MAGI1: variants seen among roughly 807,000 people sequenced by gnomAD.
The protein encoded by MAGI1 is membrane-associated guanylate kinase, WW and PDZ domain-containing protein 1.
Under a neutral mutation model 139.9 loss-of-function variants are expected in MAGI1, and 58 were observed. That is an observed-to-expected ratio of 0.41 (90% CI 0.34 to 0.52). The LOEUF is 0.52. Among genes scored for constraint, MAGI1 ranks in the 20% least tolerant of loss-of-function variants. MAGI1 has a pLI of 0.12. For synonymous variants in MAGI1, 812 were observed against 737.9 expected (o/e 1.10, Z -1.63); for missense variants, 1,874 against 1,901.6 (o/e 0.99, Z 0.27).
rs1024550391 is a variant in MAGI1, at chr3:65,814,774, T to C, written c.314-192686A>G. Among the ~76,000 whole-genome samples the C allele has an allele frequency of 2.6e-5, 4 of 152,170 alleles. No individual in the cohort carries two copies. In the South Asian group the frequency reaches 6.2e-4, roughly 24 times the overall value. ...GTCATCTTTTTATGTCTCTAAGAAA[T>C]GACAATAATTCAGATTTCAATTCTA... is the stretch of plus-strand genomic sequence containing the variant. On this transcript the variant is annotated intron_variant, in intron 1 of 22. Transcript: ENST00000402939.
At chr3:65,663,842 C>T (rs1302110061) in intron 1 of MAGI1, among the ~76,000 whole-genome samples, 1 of 152,094 alleles carries the variant, frequency 6.6e-6, no homozygotes, top group Non-Finnish European at 1.5e-5. Context: ...GTTGTGATGG[C>T]CAAAAATGTC....
intron 1 of MAGI1, among the ~76,000 whole-genome samples, chr3:65,825,600 G>A (rs2042180405): frequency 6.6e-6 from 1 of 152,136 alleles, no homozygotes; most frequent in South Asian, 2.1e-4. Context: ...TTATGGCACA[G>A]TTATGCAATG....
intron 14 of MAGI1, among the ~76,000 whole-genome samples, chr3:65,385,602 C>A (rs963801384): frequency 5.3e-5 from 8 of 152,144 alleles, no homozygotes; most frequent in African/African-American, 1.9e-4. Context: ...AATGAATACA[C>A]CAACAGAGAA....
intron 3 of MAGI1, among the ~76,000 whole-genome samples, chr3:65,492,828 C>A (rs1269746017): frequency 2.6e-5 from 4 of 152,076 alleles, no homozygotes; most frequent in African/African-American, 9.7e-5. Context: ...CCTGTAATCC[C>A]AGCACTTTGG....
At chr3:65,890,238 G>A (rs1032106353) in intron 1 of MAGI1, among the ~76,000 whole-genome samples, 8 of 152,084 alleles carry the variant, frequency 5.3e-5, no homozygotes, top group East Asian at 1.9e-4. Flanking sequence ...GGTGGCGGGC[G>A]CCTGCAGTCC....
At chr3:65,508,353 G>A (rs761272427) in intron 2 of MAGI1, among the ~76,000 whole-genome samples, 6 of 151,976 alleles carry the variant, frequency 3.9e-5, no homozygotes, top group Non-Finnish European at 7.4e-5. Flanking sequence ...GCAGTGAGCC[G>A]AGATTGCGCC....
Position 65,470,484 on chromosome 3 carries a change from G to C in MAGI1, c.758C>G (p.Ala253Gly), listed in dbSNP as rs772043382. 25 of 1,608,862 alleles carry C rather than the reference G, an allele frequency of 1.6e-5. No individual in the cohort carries two copies. The South Asian group carries it at 2.6e-4, about 17-fold the overall frequency. Residue 253 changes from alanine (A) to glycine (G), a missense_variant and splice_region_variant, in exon 5 of 23, where the codon GCC becomes GGC. Around this residue, in one of 5 missense-constraint regions of MAGI1, gnomAD observed 648 missense variants for 598.1 expected, o/e 1.08. Transcript: ENST00000402939. The part of the protein sequence containing the change: ...DVPEMNSSFT[A>G]DSGEQEEHTL... ...GTGCTCCTCTTGTTCACCAGAATCGGCTGCTTAATCATGTGAAGAGGTGAG... is the reference window on the plus strand; with the variant it reads ...GTGCTCCTCTTGTTCACCAGAATCGCCTGCTTAATCATGTGAAGAGGTGAG...
chr3:65,782,068 G>C (rs1008503594), intron 1 of MAGI1, among the ~76,000 whole-genome samples: 3 of 152,168 alleles, frequency 2.0e-5, no homozygotes, highest in Admixed American at 2.0e-4. Flanking sequence ...CTATCAAAGG[G>C]AAACACTTGT....
At chr3:65,393,545 A>G (rs777615633) in intron 13 of MAGI1, among the ~76,000 whole-genome samples, 2 of 152,282 alleles carry the variant, frequency 1.3e-5, no homozygotes, top group Middle Eastern at 3.4e-3. Context: ...CTATTTTTTT[A>G]CATTTTAGTA....
intron 1 of MAGI1, among the ~76,000 whole-genome samples, chr3:65,891,464 G>C (rs1456023652): frequency 6.6e-6 from 1 of 151,988 alleles, no homozygotes; most frequent in East Asian, 1.9e-4. Flanking sequence ...AACGGGAAGA[G>C]AAGCCTGGGC....
chr3:65,796,050 C>CAAAAAAAAAAAAAAAA (rs35663778), intron 1 of MAGI1, among the ~76,000 whole-genome samples: 3 of 103,038 alleles, frequency 2.9e-5, no homozygotes, highest in East Asian at 2.6e-4. Flanking sequence ...GACTCTGTCT[C>CAAAAAAAAAAAAAAAA]AAAAAAAAAA....
At chr3:65,665,021 C>T (rs2086423811) in intron 1 of MAGI1, among the ~76,000 whole-genome samples, 1 of 152,032 alleles carries the variant, frequency 6.6e-6, no homozygotes, top group South Asian at 2.1e-4. Flanking sequence ...AAAAAGTAAC[C>T]CCACCCAAAA....
chr3:65,474,303 A>T lies in MAGI1; in HGVS notation c.758-3819T>A, dbSNP rs541871979. ...AAACCTTTCATTTAATTTACCAAAG[A>T]TTTAGGAGCACAGCCACCACTTTCT... On this transcript the variant is annotated intron_variant, in intron 4 of 22. Transcript: ENST00000402939. Among the ~76,000 whole-genome samples the T allele has an allele frequency of 1.4e-4, 21 of 152,216 alleles. No individual in the cohort carries two copies. In the East Asian group the frequency reaches 4.1e-3, roughly 30 times the overall value.
Position 65,795,956 on chromosome 3 carries a change from C to T in MAGI1, c.314-173868G>A, listed in dbSNP as rs890004659. Reference sequence around the variant, plus strand: ...ATCCCAGCTACTTAGGAGGCTGAGGCGCAAGAATTGCTTGACCACAGGAGG... The same window carrying T: ...ATCCCAGCTACTTAGGAGGCTGAGGTGCAAGAATTGCTTGACCACAGGAGG... On this transcript the variant is annotated intron_variant, in intron 1 of 22. Transcript: ENST00000402939. Among the ~76,000 whole-genome samples, 14 of 150,002 alleles carry T rather than the reference C, an allele frequency of 9.3e-5. 1 individual carries two copies. In the South Asian group the frequency reaches 2.3e-3, roughly 25 times the overall value.
At chr3:65,934,772 T>G (rs943891330) in intron 1 of MAGI1, among the ~76,000 whole-genome samples, 15 of 152,158 alleles carry the variant, frequency 9.9e-5, no homozygotes, top group South Asian at 2.1e-4. Flanking sequence ...GTTGTTGTTT[T>G]TTTTTTTTTT....
intron 1 of MAGI1, among the ~76,000 whole-genome samples, chr3:65,958,618 A>T (rs1342563651): frequency 3.9e-5 from 6 of 152,236 alleles, no homozygotes; most frequent in African/African-American, 1.2e-4. Context: ...AGTCGTACAG[A>T]AGACAACAGA....
Position 65,478,497 on chromosome 3 carries a change from C to A in MAGI1, c.757+95G>T, listed in dbSNP as rs866935474. 3 of 1,240,314 alleles carry A rather than the reference C, an allele frequency of 2.4e-6. No individual in the cohort carries two copies. In the African/African-American group the frequency reaches 4.4e-5, roughly 18 times the overall value. The allele number at this position is 1,240,314 out of a possible 1,614,324, so 76.8% of individuals were successfully genotyped here. On this transcript the variant is annotated intron_variant, in intron 4 of 22. Transcript: ENST00000402939. Reference sequence around the variant, plus strand: ...GAATTTTGGCGACTCTACAAAATCCCTCCTGAGAACAGCATCCTTTTCAAA... The same window carrying A: ...GAATTTTGGCGACTCTACAAAATCCATCCTGAGAACAGCATCCTTTTCAAA...
chr3:65,435,721 A>C (rs1947801598), intron 10 of MAGI1, among the ~76,000 whole-genome samples: 1 of 152,222 alleles, frequency 6.6e-6, no homozygotes, highest in South Asian at 2.1e-4. Flanking sequence ...ATAAATGTGA[A>C]GTACAGGATG....
intron 1 of MAGI1, among the ~76,000 whole-genome samples, chr3:65,665,289 A>G (rs1289566548): frequency 6.6e-6 from 1 of 152,204 alleles, no homozygotes; most frequent in Non-Finnish European, 1.5e-5. Context: ...GTCCAGAAAA[A>G]GAAAACGGAA....
Sources: allele counts gnomAD v4.1 joint callset (sites outside exome capture counted in the v4.1 genomes callset), GRCh38; gene constraint gnomAD v4.1.1; regional missense constraint gnomAD v4.1.1; transcripts MANE v1.5; gene names NCBI Gene and HGNC (gene_info 2026-07-23, HGNC 2026-07-21).